The following ANTXR1 variants were observed in gnomAD, a reference collection of about 807,000 sequenced individuals.
ANTXR1 encodes anthrax toxin receptor 1.
Under a neutral mutation model 78.1 loss-of-function variants are expected in ANTXR1, and 19 were observed. That is an observed-to-expected ratio of 0.24 (90% confidence interval 0.17 to 0.36). ANTXR1 has a LOEUF of 0.36. ANTXR1 is among the 10% of genes least tolerant of loss of function. The pLI is 1.00. For synonymous variants in ANTXR1, 273 were observed against 260.5 expected (o/e 1.05, Z -0.46); for missense variants, 518 against 718.6 (o/e 0.72, Z 3.19).
intron 3 of ANTXR1, among the ~76,000 whole-genome samples, chr2:69,055,604 G>A (rs979996449): frequency 3.9e-5 from 6 of 152,144 alleles, no homozygotes; most frequent in African/African-American, 1.4e-4. Flanking sequence ...GGTATAGTAT[G>A]AAGTGCCTTG....
At chr2:69,181,090 G>A (rs1371914954) in intron 14 of ANTXR1, among the ~76,000 whole-genome samples, 2 of 152,186 alleles carry the variant, frequency 1.3e-5, no homozygotes, top group Non-Finnish European at 2.9e-5. Flanking sequence ...CAGAGCTGGC[G>A]TTTGCACTTA....
intron 17 of ANTXR1, among the ~76,000 whole-genome samples, chr2:69,200,264 G>C (rs1295069453): frequency 6.6e-6 from 1 of 152,196 alleles, no homozygotes; most frequent in Non-Finnish European, 1.5e-5. Flanking sequence ...GCAACCAGAA[G>C]AGACCCAGGG....
At position 69,013,199 on chromosome 2, in the gene ANTXR1, A is replaced by G. The variant is rs1213350407; in HGVS notation, c.-301A>G. 5 of 362,994 alleles carry G rather than the reference A, an allele frequency of 1.4e-5. No individual in the cohort carries two copies. In the East Asian group the frequency reaches 3.1e-4, roughly 23 times the overall value. 22.5% of individuals were successfully genotyped at this position (362,994 alleles called of 1,614,324 possible). On this transcript the variant is annotated 5_prime_UTR_variant, in exon 1 of 18. Coordinates refer to ENST00000303714, the MANE Select transcript of ANTXR1 (RefSeq NM_032208.3). This position sits in a 1 kb window ranked among gnomAD's most constrained non-coding sequence, Gnocchi z 5.0. ...TCGGGACGGAACTCCTTCCATTGCA[A>G]AAGCTCGGCGCGGCCTCGGGAGCTG... is the stretch of plus-strand genomic sequence containing the variant.
chr2:69,063,981 G>A (rs1347143504), intron 3 of ANTXR1, among the ~76,000 whole-genome samples: 1 of 151,314 alleles, frequency 6.6e-6, no homozygotes, highest in Non-Finnish European at 1.5e-5. Flanking sequence ...CAATGCAAAA[G>A]GATATAGGAA....
At chr2:69,019,495 A>G (rs1265280129) in intron 1 of ANTXR1, among the ~76,000 whole-genome samples, 2 of 152,202 alleles carry the variant, frequency 1.3e-5, no homozygotes, top group African/African-American at 4.8e-5. Context: ...GCAAATAACA[A>G]TTTTATCTCC....
chr2:69,166,817 G>C (rs970491758), intron 13 of ANTXR1, among the ~76,000 whole-genome samples: 2 of 152,224 alleles, frequency 1.3e-5, no homozygotes, highest in South Asian at 2.1e-4. Flanking sequence ...GCTGATTCTA[G>C]CTTGCATTCT....
intron 10 of ANTXR1, among the ~76,000 whole-genome samples, chr2:69,114,281 A>G (rs1672072554): frequency 6.6e-6 from 1 of 152,256 alleles, no homozygotes; most frequent in Non-Finnish European, 1.5e-5. Context: ...TAATACAAAT[A>G]ACAACACATA....
chr2:69,048,854 CT>C (rs1197823978), intron 3 of ANTXR1, among the ~76,000 whole-genome samples: 1 of 152,128 alleles, frequency 6.6e-6, no homozygotes, highest in Non-Finnish European at 1.5e-5. Context: ...CCAGATATCC[CT>C]GGGATTTTCA....
chr2:69,013,370 G>C lies in ANTXR1; in HGVS notation c.-130G>C. The C allele has an allele frequency of 8.0e-7, 1 of 1,253,514 alleles. No individual in the cohort carries two copies. Among genetic ancestry groups the C allele is most frequent in the South Asian group, 1.3e-5 (1 of 77,522 alleles). 77.6% of individuals were successfully genotyped at this position (1,253,514 alleles called of 1,614,324 possible). ...ACTCCTCCAGACAATTGCTTCCGGG[G>C]AGTTGCGAGGGAGCGAGGGGGAATA... is the stretch of plus-strand genomic sequence containing the variant. On this transcript the variant is annotated 5_prime_UTR_variant, in exon 1 of 18. Coordinates refer to ENST00000303714, the MANE Select transcript of ANTXR1 (RefSeq NM_032208.3). The surrounding 1 kb of genome is among the most constrained non-coding windows in gnomAD (Gnocchi z 5.0).
At chr2:69,060,486 T>A (rs1313554597) in intron 3 of ANTXR1, among the ~76,000 whole-genome samples, 2 of 152,148 alleles carry the variant, frequency 1.3e-5, no homozygotes, top group African/African-American at 4.8e-5. Context: ...GAGCTGGAAC[T>A]CCAATCTTTA....
chr2:69,130,915 T>C (rs1215449949), intron 12 of ANTXR1, among the ~76,000 whole-genome samples: 1 of 152,170 alleles, frequency 6.6e-6, no homozygotes, highest in African/African-American at 2.4e-5. Context: ...AAATCAGATG[T>C]GGTGATAAGT....
intron 3 of ANTXR1, among the ~76,000 whole-genome samples, chr2:69,067,360 G>C (rs1670429306): frequency 6.9e-6 from 1 of 144,584 alleles, no homozygotes; most frequent in African/African-American, 2.5e-5. Context: ...AATAGGCTTA[G>C]AGAAAATATC....
At chr2:69,020,396 GT>G (rs1250215491) in intron 1 of ANTXR1, among the ~76,000 whole-genome samples, 1 of 113,026 alleles carries the variant, frequency 8.8e-6, no homozygotes, top group Non-Finnish European at 1.8e-5. Flanking sequence ...AGGCAAAACT[GT>G]TTTGTTTTGT....
chr2:69,014,313 C>T (rs1221023175), intron 1 of ANTXR1, among the ~76,000 whole-genome samples: 1 of 152,084 alleles, frequency 6.6e-6, no homozygotes, highest in Non-Finnish European at 1.5e-5. Flanking sequence ...ATGCCAGTAA[C>T]ATCCCCCGCC....
intron 9 of ANTXR1, among the ~76,000 whole-genome samples, chr2:69,099,296 C>A (rs1671533851): frequency 1.3e-5 from 2 of 152,322 alleles, no homozygotes; most frequent in African/African-American, 4.8e-5. Context: ...AATTTGATTT[C>A]TTTTGATGGC....
At chr2:69,073,390 GT>G (rs1297413271) in intron 6 of ANTXR1, among the ~76,000 whole-genome samples, 1 of 152,068 alleles carries the variant, frequency 6.6e-6, no homozygotes. Flanking sequence ...TGCTCTAACA[GT>G]TTTTAAATAC....
chr2:69,191,878 G>A (rs1013094175), intron 16 of ANTXR1, among the ~76,000 whole-genome samples: 15 of 152,220 alleles, frequency 9.9e-5, no homozygotes, highest in African/African-American at 3.6e-4. Context: ...ATCTGCCTTT[G>A]GGCAAGTTAC....
At chr2:69,039,944 G>T in intron 1 of ANTXR1, 100 bp from the exon 2 acceptor site, 1 of 962,908 alleles carries the variant, frequency 1.0e-6, no homozygotes, top group Non-Finnish European at 1.6e-6. Flanking sequence ...TCCAGTTATT[G>T]GAGAGGTCAA....
At chr2:69,081,886 ATGTAGAAATCATTACCCCTTT>A (rs1670910135) in intron 8 of ANTXR1, among the ~76,000 whole-genome samples, 2 of 152,364 alleles carry the variant, frequency 1.3e-5, no homozygotes, top group African/African-American at 4.8e-5. Context: ...GTGCCATTTG[ATGTAGAAATCATTACCCCTTT>A]TATAGAAGTA....
Sources: gnomAD v4.1 joint callset for allele counts (sites outside exome capture counted in the v4.1 genomes callset) on GRCh38, gnomAD v4.1.1 for gene constraint, Gnocchi (gnomAD v3.1) non-coding constraint, MANE v1.5 for transcripts, NCBI Gene and HGNC (gene_info 2026-07-23, HGNC 2026-07-21) for gene names.